CRMP1: variants seen among roughly 807,000 people sequenced by gnomAD.
CRMP1 encodes the protein dihydropyrimidinase-related protein 1.
In CRMP1, 19 loss-of-function variants were observed where a neutral mutation model predicts 68.3. The ratio of observed to expected loss-of-function variants is 0.28; its 90% CI spans 0.19 to 0.41. The LOEUF is 0.41. Ranked by LOEUF, CRMP1 falls within the 10% of genes least tolerant of loss-of-function variation. The probability of loss-of-function intolerance (pLI) is 1.00; values close to 1 mark genes in which losing one functional copy is unlikely to be tolerated. For missense variants in CRMP1, 791 were observed against 967.4 expected (o/e 0.82, Z 2.42); for synonymous variants, 439 against 399.6 (o/e 1.10, Z -1.18).
chr4:5,874,039 G>A (rs527591541), intron 1 of CRMP1, among the ~76,000 whole-genome samples: 7 of 152,298 alleles, frequency 4.6e-5, no homozygotes, highest in African/African-American at 1.4e-4. Flanking sequence ...CTCAAAGCTG[G>A]GATTCCTCAG....
In CRMP1 at chr4:5,888,584, G is replaced by C; in HGVS notation, c.381+4005C>G. On this transcript the variant is annotated intron_variant, in intron 1 of 13. Coordinates refer to ENST00000324989, the MANE Select transcript of CRMP1 (RefSeq NM_001014809.3). The surrounding 1 kb of genome is among the most constrained non-coding windows in gnomAD (Gnocchi z 6.4). ...GAGCGAAGCCGGATTCGCCCCTCTC[G>C]GCTCGAACCAGGAAGCGCTTCCCTT... 1 of 1,078,336 alleles carries C rather than the reference G, an allele frequency of 9.3e-7. No individual in the cohort carries two copies. The highest frequency in any genetic ancestry group is 1.1e-6 in the Non-Finnish European group (1 of 890,282). The allele number at this position is 1,078,336 out of a possible 1,614,324, so 66.8% of individuals were successfully genotyped here.
chr4:5,889,976 C>CAA lies in CRMP1; in HGVS notation c.381+2611_381+2612dup, dbSNP rs538783894. ...GAGGTAAAATGATGTACCCCGGGTG[C>CAA]AAAACATATTAGCTGCAGCAAAGCA... is the stretch of plus-strand genomic sequence containing the variant. On this transcript the variant is annotated intron_variant, in intron 1 of 13. Coordinates refer to ENST00000324989, the MANE Select transcript of CRMP1 (RefSeq NM_001014809.3). The surrounding 1 kb of genome is among the most constrained non-coding windows in gnomAD (Gnocchi z 4.5). The CAA allele has an allele frequency of 1.5e-4, 182 of 1,225,842 alleles. 1 individual carries two copies. The South Asian group carries it at 3.5e-3, about 23-fold the overall frequency. 75.9% of individuals were successfully genotyped at this position (1,225,842 alleles called of 1,614,324 possible).
Position 5,888,168 on chromosome 4 carries a change from G to A in CRMP1, c.381+4421C>T, listed in dbSNP as rs1715734494. 3 of 1,235,038 alleles carry A rather than the reference G, an allele frequency of 2.4e-6. No homozygotes were observed. Among genetic ancestry groups the A allele is most frequent in the South Asian group, 7.8e-5 (2 of 25,494 alleles). 76.5% of individuals were successfully genotyped at this position (1,235,038 alleles called of 1,614,324 possible). On this transcript the variant is annotated intron_variant, in intron 1 of 13. Coordinates refer to ENST00000324989, the MANE Select transcript of CRMP1 (RefSeq NM_001014809.3). The surrounding 1 kb of genome is among the most constrained non-coding windows in gnomAD (Gnocchi z 6.4). ...GCGCCCCGTGGATCTGGACCCTGCCGGGCGCCCACTCCCAGCCCACAAAGG... is the reference window on the plus strand; with the variant it reads ...GCGCCCCGTGGATCTGGACCCTGCCAGGCGCCCACTCCCAGCCCACAAAGG...
intron 2 of CRMP1, among the ~76,000 whole-genome samples, chr4:5,864,145 A>G (rs1713805668): frequency 6.6e-6 from 1 of 152,194 alleles, no homozygotes; most frequent in African/African-American, 2.4e-5. Context: ...AGCTCAACCC[A>G]TGGCCACTTG....
Position 5,888,181 on chromosome 4 carries a change from C to T in CRMP1, c.381+4408G>A. The T allele has an allele frequency of 8.0e-7, 1 of 1,244,016 alleles. No homozygotes were observed. The highest frequency in any genetic ancestry group is 1.0e-6 in the Non-Finnish European group (1 of 991,804). 77.1% of individuals were successfully genotyped at this position (1,244,016 alleles called of 1,614,324 possible). On this transcript the variant is annotated intron_variant, in intron 1 of 13. Transcript: ENST00000324989. The surrounding 1 kb of genome is among the most constrained non-coding windows in gnomAD (Gnocchi z 6.4). ...CTGGACCCTGCCGGGCGCCCACTCC[C>T]AGCCCACAAAGGCCAGCGCGGGGCG...
At position 5,854,414 on chromosome 4, in the gene CRMP1, T is replaced by G. The variant is rs1365463009; in HGVS notation, c.820+1729A>C. Among the ~76,000 whole-genome samples, 217 of 148,352 alleles carry G rather than the reference T, an allele frequency of 1.5e-3. 2 individuals carry two copies. Among genetic ancestry groups the G allele is most frequent in the African/African-American group, 5.2e-3 (207 of 40,132 alleles). On this transcript the variant is annotated intron_variant, in intron 4 of 13. Coordinates refer to ENST00000324989, the MANE Select transcript of CRMP1 (RefSeq NM_001014809.3). This position sits in a 1 kb window ranked among gnomAD's most constrained non-coding sequence, Gnocchi z 4.0. ...TCCTGGCTATGTTTTTTTTTTTTTTTTTTTTTTTTTAATAGAGTCGTGGTC... is the reference window on the plus strand; with the variant it reads ...TCCTGGCTATGTTTTTTTTTTTTTTGTTTTTTTTTTAATAGAGTCGTGGTC...
intron 13 of CRMP1, chr4:5,824,216 G>C (rs776533879): frequency 8.3e-6 from 7 of 843,670 alleles, no homozygotes; most frequent in Non-Finnish European, 1.0e-5. Context: ...GAGAGCTTGT[G>C]TCTTGTTGCA....
rs372112723 is a variant in CRMP1 at position 5,821,728 on chromosome 4, T to A, written c.*32A>T. The A allele has an allele frequency of 7.7e-6, 12 of 1,560,544 alleles. No individual in the cohort carries two copies. In the African/African-American group the frequency reaches 1.6e-4, roughly 21 times the overall value. On this transcript the variant is annotated 3_prime_UTR_variant, in exon 14 of 14. Transcript: ENST00000324989. This position sits in a 1 kb window ranked among gnomAD's most constrained non-coding sequence, Gnocchi z 4.4. ...AAAGGGATGGACATGATTCCCAGAATCCTTCAGGCTAGCTCCTCCGCGCAT... is the reference window on the plus strand; with the variant it reads ...AAAGGGATGGACATGATTCCCAGAAACCTTCAGGCTAGCTCCTCCGCGCAT...
rs796172707 is a variant in CRMP1, at chr4:5,883,240, C to CTTCCTTCCATCT, written c.381+9348_381+9349insAGATGGAAGGAA. 3.4e-3 allele frequency among the ~76,000 whole-genome samples: 347 copies of CTTCCTTCCATCT among 102,792 alleles called. 2 individuals carry two copies. The highest frequency in any genetic ancestry group is 9.8e-3 in the African/African-American group (316 of 32,152). 67.4% of individuals were successfully genotyped at this position (102,792 alleles called of 152,430 possible). The stretch of plus-strand genomic sequence containing the variant: ...TTCCGCAGCCTGCCTGCTTTCCTTC[C>CTTCCTTCCATCT]TTCCTTCCTTCCTTCCTTCCTCCCT... On this transcript the variant is annotated intron_variant, in intron 1 of 13. Transcript: ENST00000324989. The surrounding 1 kb of genome is among the most constrained non-coding windows in gnomAD (Gnocchi z 4.5).
intron 1 of CRMP1, among the ~76,000 whole-genome samples, chr4:5,876,259 G>A (rs1305046795): frequency 1.3e-5 from 2 of 152,102 alleles, no homozygotes; most frequent in African/African-American, 4.8e-5. Flanking sequence ...GTACATTTCA[G>A]TGTTGGTAGA....
chr4:5,824,312 AT>A, intron 13 of CRMP1: 1 of 985,416 alleles, frequency 1.0e-6, no homozygotes, highest in Non-Finnish European at 1.2e-6. Context: ...TTTAGGGTCC[AT>A]TTTGTGCAAA....
Position 5,842,466 on chromosome 4 carries a change from T to TAAAAA in CRMP1, c.1032+622_1032+626dup, listed in dbSNP as rs1491561699. ...AAAAAAAGAAAAGAAAGAAAGAAAG[T>TAAAAA]AAAAAGAAGGTGTCCTCAACTCAAA... On this transcript the variant is annotated intron_variant, in intron 7 of 13. Transcript: ENST00000324989. The surrounding 1 kb of genome is among the most constrained non-coding windows in gnomAD (Gnocchi z 4.5). Among the ~76,000 whole-genome samples, 2 of 141,666 alleles carry TAAAAA rather than the reference T, an allele frequency of 1.4e-5. No homozygotes were observed. Among genetic ancestry groups the TAAAAA allele is most frequent in the East Asian group, 4.2e-4 (2 of 4,810 alleles). 92.9% of individuals were successfully genotyped at this position (141,666 alleles called of 152,430 possible). A position where few individuals can be genotyped will look rare whatever the true frequency, so the allele number is the denominator to read the frequency against.
chr4:5,861,950 C>T lies in CRMP1; in HGVS notation c.471-740G>A, dbSNP rs1713594516. On this transcript the variant is annotated intron_variant, in intron 2 of 13. Transcript: ENST00000324989. The surrounding 1 kb of genome is among the most constrained non-coding windows in gnomAD (Gnocchi z 6.0). ...ATAAAGACACAGGAAGATGCTGCTT[C>T]AGTGACCAAAAGTGCAGCTCTAGAC... 5.9e-5 allele frequency among the ~76,000 whole-genome samples: 9 copies of T among 152,192 alleles called. No homozygotes were observed.
In CRMP1 at chr4:5,854,002, C is replaced by G. The variant is rs1712850389; in HGVS notation, c.820+2141G>C. Among the ~76,000 whole-genome samples the G allele has an allele frequency of 6.6e-6, 1 of 152,230 alleles. No individual in the cohort carries two copies. The highest frequency in any genetic ancestry group is 2.4e-5 in the African/African-American group (1 of 41,458). On this transcript the variant is annotated intron_variant, in intron 4 of 13. Coordinates refer to ENST00000324989, the MANE Select transcript of CRMP1 (RefSeq NM_001014809.3). This position sits in a 1 kb window ranked among gnomAD's most constrained non-coding sequence, Gnocchi z 4.0. The stretch of plus-strand genomic sequence containing the variant: ...ACAGGGCTCCCTGGATGCCTGCAGG[C>G]AGCACAGACCCACTAGGCCTCACGG...
Position 5,842,314 on chromosome 4 carries a change from A to C in CRMP1, c.1032+779T>G, listed in dbSNP as rs1456113037. Among the ~76,000 whole-genome samples, 1 of 151,700 alleles carries C rather than the reference A, an allele frequency of 6.6e-6. No homozygotes were observed. Among genetic ancestry groups the C allele is most frequent in the Non-Finnish European group, 1.5e-5 (1 of 67,910 alleles). The stretch of plus-strand genomic sequence containing the variant: ...GCACAGGCCTGTGCCTAGTGCTCCT[A>C]GCTACTTGGGAGGCTGAGGCAGGAG... On this transcript the variant is annotated intron_variant, in intron 7 of 13. Transcript: ENST00000324989. The surrounding 1 kb of genome is among the most constrained non-coding windows in gnomAD (Gnocchi z 4.5).
chr4:5,889,560 G>T lies in CRMP1; in HGVS notation c.381+3029C>A. On this transcript the variant is annotated intron_variant, in intron 1 of 13. Transcript: ENST00000324989. This position sits in a 1 kb window ranked among gnomAD's most constrained non-coding sequence, Gnocchi z 4.5. ...GAAAGAAGATGGAGGAAAAGGGGGAGCCCCAGCAAGCCCCAACCTCACTGG... is the reference window on the plus strand; with the variant it reads ...GAAAGAAGATGGAGGAAAAGGGGGATCCCCAGCAAGCCCCAACCTCACTGG... 1 of 1,533,946 alleles carries T rather than the reference G, an allele frequency of 6.5e-7. No individual in the cohort carries two copies.
chr4:5,848,948 A>G (rs1377330929), intron 6 of CRMP1, among the ~76,000 whole-genome samples: 2 of 152,228 alleles, frequency 1.3e-5, no homozygotes, highest in African/African-American at 4.8e-5. Context: ...TTGTGCATTA[A>G]GTTTTCAACA....
In CRMP1 at chr4:5,892,673, G is replaced by A; in HGVS notation, c.297C>T (p.Pro99=). 4.9e-6 allele frequency: 6 copies of A among 1,215,268 alleles called. No individual in the cohort carries two copies. In the South Asian group the frequency reaches 1.7e-4, roughly 35 times the overall value. The allele number at this position is 1,215,268 out of a possible 1,614,324, so 75.3% of individuals were successfully genotyped here. A position where few individuals can be genotyped will look rare whatever the true frequency, so the allele number is the denominator to read the frequency against. Residue 99 remains proline, a synonymous_variant, in exon 1 of 14, where the codon CCC becomes CCT. Coordinates refer to ENST00000324989, the MANE Select transcript of CRMP1 (RefSeq NM_001014809.3). The surrounding 1 kb of genome is among the most constrained non-coding windows in gnomAD (Gnocchi z 8.6). ...SEPSGSAVSS[P]GERDERPPTL... ...TCGGCGGCCGCTCGTCGCGCTCTCCGGGAGAGCTGACCGCGGAGCCCGAGG... is the reference window on the plus strand; with the variant it reads ...TCGGCGGCCGCTCGTCGCGCTCTCCAGGAGAGCTGACCGCGGAGCCCGAGG...
In CRMP1 at chr4:5,850,220, TC is replaced by T. The variant is rs940232348; in HGVS notation, c.883-749del. Among the ~76,000 whole-genome samples the T allele has an allele frequency of 5.3e-5, 8 of 152,168 alleles. No individual in the cohort carries two copies. The highest frequency in any genetic ancestry group is 3.9e-4 in the Admixed American group (6 of 15,280). On this transcript the variant is annotated intron_variant, in intron 5 of 13. Coordinates refer to ENST00000324989, the MANE Select transcript of CRMP1 (RefSeq NM_001014809.3). The surrounding 1 kb of genome is among the most constrained non-coding windows in gnomAD (Gnocchi z 4.4). ...TCGGATGTCTGCTTTCCGACAGACA[TC>T]CCTATTTCAGCAAATAGGGAAGGCA...
Sources: gnomAD v4.1 joint callset for allele counts (sites outside exome capture counted in the v4.1 genomes callset) on GRCh38, gnomAD v4.1.1 for gene constraint, Gnocchi (gnomAD v3.1) non-coding constraint, MANE v1.5 for transcripts, NCBI Gene and HGNC (gene_info 2026-07-23, HGNC 2026-07-21) for gene names.